Variants in EHBP1L1 observed in about 807,000 individuals in gnomAD.
The protein encoded by EHBP1L1 is EH domain-binding protein 1-like protein 1.
A neutral mutation model predicts 151.1 loss-of-function variants in EHBP1L1; 122 were observed. The observed-to-expected ratio is 0.81, with a 90% CI of 0.70 to 0.94. The LOEUF is 0.94. Among genes scored for constraint, EHBP1L1 ranks in the 40% least tolerant of loss-of-function variants. EHBP1L1 has a pLI of 0.00. For synonymous variants in EHBP1L1, 878 were observed against 810.1 expected, an observed-to-expected ratio of 1.08 and a Z score of -1.42; for missense variants, 1,941 against 1,959.8, an observed-to-expected ratio of 0.99 and a Z score of 0.18.
chr11:65,581,267 C>T lies in EHBP1L1; in HGVS notation c.760C>T (p.Pro254Ser), dbSNP rs769519839. Residue 254 changes from proline to serine, a missense_variant, in exon 8 of 19, where the codon CCC becomes TCC. Physicochemically the swap from Pro to Ser is moderately conservative, Grantham distance 74. Transcript: ENST00000309295. ...CCCAGCCCCTGTGAGTGCTCCTGCACCCCCAGCCAGAACCTCCCGAGGCCA... is the reference window on the plus strand; with the variant it reads ...CCCAGCCCCTGTGAGTGCTCCTGCATCCCCAGCCAGAACCTCCCGAGGCCA... ...TSPAPVSAPAPPARTSRGQGS... is the reference protein window; with the variant it reads ...TSPAPVSAPASPARTSRGQGS... 1.2e-6 allele frequency: 2 copies of T among 1,611,822 alleles called. No individual in the cohort carries two copies. Among genetic ancestry groups the T allele is most frequent in the African/African-American group, 1.3e-5 (1 of 74,972 alleles).
rs759826605 is a variant in EHBP1L1 at position 65,589,957 on chromosome 11, A to G, written c.4025A>G (p.Glu1342Gly). The G allele has an allele frequency of 6.3e-7, 1 of 1,577,612 alleles. No homozygotes were observed. Among genetic ancestry groups the G allele is most frequent in the South Asian group, 1.1e-5 (1 of 87,154 alleles). ...GCAGGTGGGAGTTCCCCCTCGGAGG[A>G]ACCACCCCCAAGCCCAGGGGAGGAG... is the stretch of plus-strand genomic sequence containing the variant. ...QPPGGSSPSEEPPPSPGEEAG... is the reference protein window; with the variant it reads ...QPPGGSSPSEGPPPSPGEEAG... The change falls in exon 14 of 19, where the codon GAA becomes GGA. Residue 1342 changes from glutamate (E) to glycine (G), a missense_variant. By Grantham distance (98) the Glu-to-Gly change is moderately conservative. Coordinates refer to ENST00000309295, the MANE Select transcript of EHBP1L1 (RefSeq NM_001099409.3).
chr11:65,591,937 G>A, intron 17 of EHBP1L1, 39 bp from the exon 18 acceptor site: 1 of 1,608,190 alleles, frequency 6.2e-7, no homozygotes, highest in South Asian at 1.1e-5. Context: ...CACAGCCCTG[G>A]GCCCGCGCCT....
Position 65,591,789 on chromosome 11 carries a change from C to CCCCCCAAAAA in EHBP1L1, c.4284-10_4284-9insCCCCAAAAAC. 6.5e-7 allele frequency: 1 copy of CCCCCCAAAAA among 1,540,438 alleles called. No homozygotes were observed. The highest frequency in any genetic ancestry group is 8.8e-7 in the Non-Finnish European group (1 of 1,140,910). On this transcript the variant is annotated splice_polypyrimidine_tract_variant and intron_variant, in intron 16 of 18. Transcript: ENST00000309295. ...CCACCCCCCCGCCACCCACCCCCCG[C>CCCCCCAAAAA]CACCTTCCAGCATGGAGGAGCAGGA...
chr11:65,585,555 C>G lies in EHBP1L1; in HGVS notation c.3897C>G (p.Asp1299Glu), dbSNP rs373977291. The change falls in exon 12 of 19, where the codon GAC becomes GAG. Residue 1299 changes from aspartate (D) to glutamate (E), a missense_variant. Asp to Glu is a conservative substitution (Grantham distance 45). Transcript: ENST00000309295. This position sits in a 1 kb window ranked among gnomAD's most constrained non-coding sequence, Gnocchi z 4.0. ...RLRNSSSFSM[D>E]DPDAGAMGAA... The stretch of plus-strand genomic sequence containing the variant: ...GGAACAGCAGCTCGTTCTCGATGGA[C>G]GATCCGGACGCGGGAGCCATGGGAG... The G allele has an allele frequency of 8.2e-6, 13 of 1,582,620 alleles. No individual in the cohort carries two copies. The highest frequency in any genetic ancestry group is 3.3e-4 in the Middle Eastern group (2 of 6,036).
rs775346131 is a variant in EHBP1L1, at chr11:65,582,649, G to C, written c.1977G>C (p.Gly659=). 1.4e-5 allele frequency: 23 copies of C among 1,613,494 alleles called. No homozygotes were observed. The highest frequency in any genetic ancestry group is 1.9e-5 in the Non-Finnish European group (22 of 1,179,876). ...EVLGTQKTEA[G]GSGVLQTRTT... ...TGGGGACCCAGAAAACAGAAGCTGG[G>C]GGTTCAGGAGTTTTGCAGACAAGAA... The change falls in exon 9 of 19, where the codon GGG becomes GGC. Residue 659 remains glycine (G), a synonymous_variant. Coordinates refer to ENST00000309295, the MANE Select transcript of EHBP1L1 (RefSeq NM_001099409.3).
Position 65,592,435 on chromosome 11 carries a change from C to G in EHBP1L1, c.*133C>G, listed in dbSNP as rs1176177208. The G allele has an allele frequency of 4.3e-5, 25 of 581,664 alleles. No individual in the cohort carries two copies. Among genetic ancestry groups the G allele is most frequent in the Middle Eastern group, 7.3e-4 (1 of 1,370 alleles). The allele number at this position is 581,664 out of a possible 1,614,324, so 36.0% of individuals were successfully genotyped here. ...GCTAGGGGCCGCCGGCGCCCTTCCC[C>G]GTACAGGGCAGGGCGGATCCCCGAC... On this transcript the variant is annotated 3_prime_UTR_variant, in exon 19 of 19. Transcript: ENST00000309295.
At position 65,576,392 on chromosome 11, in the gene EHBP1L1, G is replaced by A. The variant is rs999046107; in HGVS notation, c.90G>A (p.Glu30=). 6 of 1,588,242 alleles carry A rather than the reference G, an allele frequency of 3.8e-6. No individual in the cohort carries two copies. Among genetic ancestry groups the A allele is most frequent in the Non-Finnish European group, 5.1e-6 (6 of 1,167,668 alleles). Reference sequence around the variant, plus strand: ...CCTGTTACCACGAGCTAGTGTTGGAGTGCACCAAGAAATGGTGAGTGGGAG... The same window carrying A: ...CCTGTTACCACGAGCTAGTGTTGGAATGCACCAAGAAATGGTGAGTGGGAG... The part of the protein sequence containing the change: ...FVACYHELVL[E]CTKKWQPDKL... Residue 30 remains glutamate, a synonymous_variant, in exon 1 of 19, where the codon GAG becomes GAA. Transcript: ENST00000309295.
intron 16 of EHBP1L1, 26 bp from the exon 17 acceptor site, chr11:65,591,774 G>GCCCCCCC: frequency 8.0e-6 from 3 of 373,938 alleles, no homozygotes; most frequent in South Asian, 3.8e-5. Context: ...CCACCCCCCC[G>GCCCCCCC]CCACCCACCC....
chr11:65,580,986 G>T, intron 6 of EHBP1L1, 72 bp from the exon 7 acceptor site: 1 of 1,531,510 alleles, frequency 6.5e-7, no homozygotes, highest in South Asian at 1.2e-5. Flanking sequence ...CTGTAGTTGG[G>T]GGAGGGGGTC....
intron 13 of EHBP1L1, 51 bp downstream of exon 13, chr11:65,589,871 G>C: frequency 6.5e-7 from 1 of 1,538,768 alleles, no homozygotes. Flanking sequence ...CACAAAGCCT[G>C]GACTGGGGAC....
Position 65,580,253 on chromosome 11 carries a change from G to A in EHBP1L1, c.485G>A (p.Arg162His), listed in dbSNP as rs751387971. 21 of 1,613,256 alleles carry A rather than the reference G, an allele frequency of 1.3e-5. 1 individual carries two copies. Among genetic ancestry groups the A allele is most frequent in the South Asian group, 7.7e-5 (7 of 91,080 alleles). ...TCCGGGGTGCTGCTGCGGGAGGGCC[G>A]TGCCACGTGAGTGCCTACCTGCCCT... is the stretch of plus-strand genomic sequence containing the variant. ...TLSGVLLREG[R>H]ATDDDMQSLA... The change falls in exon 5 of 19, where the codon CGT (arginine) becomes CAT (histidine). Residue 162 changes from arginine (R) to histidine (H), a missense_variant. Transcript: ENST00000309295.
Position 65,585,163 on chromosome 11 carries a change from C to A in EHBP1L1, c.3505C>A (p.Pro1169Thr), listed in dbSNP as rs1389259462. The A allele has an allele frequency of 1.5e-6, 2 of 1,360,440 alleles. No homozygotes were observed. Among genetic ancestry groups the A allele is most frequent in the East Asian group, 6.4e-5 (2 of 31,084 alleles). 84.3% of individuals were successfully genotyped at this position (1,360,440 alleles called of 1,614,324 possible). Residue 1169 changes from proline (P) to threonine (T), a missense_variant, in exon 12 of 19, where the codon CCG becomes ACG. Transcript: ENST00000309295. The surrounding 1 kb of genome is among the most constrained non-coding windows in gnomAD (Gnocchi z 4.0). ...TYRVGSAQPS[P>T]PDDLDAGGLA... ...CCGCGTGGGCAGCGCCCAGCCCAGC[C>A]CGCCCGACGACCTGGACGCCGGAGG...
intron 16 of EHBP1L1, 149 bp downstream of exon 16, chr11:65,590,741 A>G (rs1252904619): frequency 2.5e-6 from 2 of 789,716 alleles, no homozygotes; most frequent in East Asian, 2.8e-5. Context: ...ATTGCTGTTT[A>G]AAGTGTAAAA....
At position 65,585,353 on chromosome 11, in the gene EHBP1L1, C is replaced by A; in HGVS notation, c.3695C>A (p.Ala1232Glu). ...GAGGCCCCCCGAGAGTCGCGACCCGCGGAGGTCCCGGCCGAGGGGCTGGTG... is the reference window on the plus strand; with the variant it reads ...GAGGCCCCCCGAGAGTCGCGACCCGAGGAGGTCCCGGCCGAGGGGCTGGTG... ...GAEAPRESRP[A>E]EVPAEGLVNG... The change falls in exon 12 of 19, where the codon GCG (alanine) becomes GAG (glutamate). Residue 1232 changes from alanine (A) to glutamate (E), a missense_variant. Transcript: ENST00000309295. This position sits in a 1 kb window ranked among gnomAD's most constrained non-coding sequence, Gnocchi z 4.0. 1 of 1,149,366 alleles carries A rather than the reference C, an allele frequency of 8.7e-7. No homozygotes were observed. The highest frequency in any genetic ancestry group is 1.1e-6 in the Non-Finnish European group (1 of 934,726). The allele number at this position is 1,149,366 out of a possible 1,614,324, so 71.2% of individuals were successfully genotyped here.
intron 11 of EHBP1L1, 71 bp from the exon 12 acceptor site, chr11:65,584,888 G>A: frequency 6.6e-7 from 1 of 1,506,606 alleles, no homozygotes; most frequent in Non-Finnish European, 8.8e-7. Context: ...CCCTCCGTGG[G>A]GCGGCACTGC....
At chr11:65,588,799 A>T (rs193216014) in intron 12 of EHBP1L1, among the ~76,000 whole-genome samples, 1 of 152,330 alleles carries the variant, frequency 6.6e-6, no homozygotes, top group East Asian at 1.9e-4. Flanking sequence ...TCAAAGATCC[A>T]GCCAGCCTGG....
chr11:65,590,015 G>C, intron 14 of EHBP1L1, 24 bp downstream of exon 14: 1 of 1,607,954 alleles, frequency 6.2e-7, no homozygotes, highest in South Asian at 1.1e-5. Flanking sequence ...AGTGGGAGGA[G>C]CTGATGGGTG....
At position 65,583,231 on chromosome 11, in the gene EHBP1L1, G is replaced by C; in HGVS notation, c.2559G>C (p.Gly853=). The stretch of plus-strand genomic sequence containing the variant: ...AGGTCGGGGGTTCAGGGATCTCAGG[G>C]CCCGAGGCTGGAATGGCAGAGGCCC... ...ETEVGGSGIS[G]PEAGMAEARV... is the part of the protein sequence containing the mutation. The change falls in exon 9 of 19, where the codon GGG becomes GGC. Residue 853 remains glycine, a synonymous_variant. Coordinates refer to ENST00000309295, the MANE Select transcript of EHBP1L1 (RefSeq NM_001099409.3). 1 of 1,613,502 alleles carries C rather than the reference G, an allele frequency of 6.2e-7. No homozygotes were observed. The highest frequency in any genetic ancestry group is 1.3e-5 in the African/African-American group (1 of 75,006).
Position 65,582,031 on chromosome 11 carries a change from G to A in EHBP1L1, c.1359G>A (p.Gly453=). 1 of 1,613,530 alleles carries A rather than the reference G, an allele frequency of 6.2e-7. No homozygotes were observed. The highest frequency in any genetic ancestry group is 8.5e-7 in the Non-Finnish European group (1 of 1,179,834). The part of the protein sequence containing the change: ...TGVMPEARCR[G]TPEAPPRGSQ... Reference sequence around the variant, plus strand: ...TGATGCCTGAGGCAAGATGCAGGGGGACCCCTGAGGCTCCTCCAAGGGGCT... The same window carrying A: ...TGATGCCTGAGGCAAGATGCAGGGGAACCCCTGAGGCTCCTCCAAGGGGCT... The change falls in exon 9 of 19, where the codon GGG becomes GGA. Residue 453 remains glycine, a synonymous_variant. Transcript: ENST00000309295.
Sources: allele counts gnomAD v4.1 joint callset (sites outside exome capture counted in the v4.1 genomes callset), GRCh38; gene constraint gnomAD v4.1.1; non-coding constraint Gnocchi (gnomAD v3.1); transcripts MANE v1.5; gene names NCBI Gene and HGNC (gene_info 2026-07-23, HGNC 2026-07-21).